The following CASD1 variants were observed in gnomAD, a reference collection of about 807,000 sequenced individuals.
CASD1 encodes CAS1 domain sialic acid O acetyltransferase 1.
A neutral mutation model predicts 100.0 loss-of-function variants in CASD1; 41 were observed. The observed-to-expected ratio is 0.41, with a 90% CI of 0.32 to 0.53. The LOEUF (loss-of-function observed/expected upper bound fraction) is 0.53, where lower values mean the gene tolerates loss of function less well. CASD1 is among the 20% of genes least tolerant of loss of function. The pLI, the probability that CASD1 is intolerant of heterozygous loss-of-function variation, is 0.25. For synonymous variants in CASD1, 321 were observed against 315.6 expected, an observed-to-expected ratio of 1.02 and a Z score of -0.18; for missense variants, 774 against 948.7, an observed-to-expected ratio of 0.82 and a Z score of 2.42.
intron 14 of CASD1, 103 bp downstream of exon 14, chr7:94,549,737 T>A (rs781090316): frequency 3.5e-6 from 3 of 851,952 alleles, no homozygotes; most frequent in Non-Finnish European, 5.4e-6. Flanking sequence ...TAAATAAAGA[T>A]GTTGATTTAG....
At chr7:94,541,536 G>GTT (rs1246255154) in intron 10 of CASD1, among the ~76,000 whole-genome samples, 1 of 92,434 alleles carries the variant, frequency 1.1e-5, no homozygotes, top group Non-Finnish European at 2.2e-5. Context: ...GTGTTCCACT[G>GTT]GTTTTTTTTT....
chr7:94,623,203 T>C, the CASD1 span: 3 of 600,730 alleles, frequency 5.0e-6, no homozygotes, highest in Non-Finnish European at 8.8e-6. Flanking sequence ...TATATCTTAT[T>C]ATTTCATCAG....
At chr7:94,526,867 A>G (rs557249753) in intron 3 of CASD1, among the ~76,000 whole-genome samples, 1 of 152,352 alleles carries the variant, frequency 6.6e-6, no homozygotes, top group South Asian at 2.1e-4. Flanking sequence ...AATCTTGGCA[A>G]AAAGGTAATT....
downstream of CASD1, among the ~76,000 whole-genome samples, chr7:94,561,617 A>G (rs1316487526): frequency 6.6e-6 from 1 of 151,978 alleles, no homozygotes; most frequent in Non-Finnish European, 1.5e-5. Flanking sequence ...TTTTTTCCTA[A>G]AGAGAACCTC....
At position 94,510,184 on chromosome 7, in the gene CASD1, G is replaced by A. The variant is rs1260217646; in HGVS notation, c.100G>A (p.Ala34Thr). Residue 34 changes from alanine to threonine, a missense_variant, in exon 1 of 18, where the codon GCA (alanine) becomes ACA (threonine). By Grantham distance (58) the Ala-to-Thr change is moderately conservative. Transcript: ENST00000297273. ...GGCGCTGGTGGCCGTGCTGCTGCTCGCAGCGTGCCACCTCGCCTCCCGCCG... is the reference window on the plus strand; with the variant it reads ...GGCGCTGGTGGCCGTGCTGCTGCTCACAGCGTGCCACCTCGCCTCCCGCCG... Reference protein sequence around the residue: ...VLALVAVLLLAACHLASRRYR... With the variant: ...VLALVAVLLLTACHLASRRYR... 1.3e-6 allele frequency: 2 copies of A among 1,514,066 alleles called. No homozygotes were observed. The highest frequency in any genetic ancestry group is 4.2e-5 in the Admixed American group (2 of 47,628). The allele number at this position is 1,514,066 out of a possible 1,614,324, so 93.8% of individuals were successfully genotyped here. A position where few individuals can be genotyped will look rare whatever the true frequency, so the allele number is the denominator to read the frequency against.
At chr7:94,533,345 C>A in intron 6 of CASD1, 96 bp downstream of exon 6, 1 of 968,206 alleles carries the variant, frequency 1.0e-6, no homozygotes, top group Non-Finnish European at 1.5e-6. Flanking sequence ...CTTGATTGTA[C>A]CTAAATTTTT....
the CASD1 span, chr7:94,620,427 T>C: frequency 1.3e-5 from 2 of 152,220 alleles, no homozygotes; most frequent in Non-Finnish European, 2.9e-5. Context: ...AAAATATATT[T>C]ATTCTCATAT....
intron 3 of CASD1, among the ~76,000 whole-genome samples, chr7:94,521,984 T>C (rs896654548): frequency 2.6e-5 from 4 of 152,120 alleles, no homozygotes; most frequent in African/African-American, 9.7e-5. Flanking sequence ...ATCGGGAGGC[T>C]GAGGCAGGAG....
the CASD1 span, chr7:94,589,824 G>C: frequency 5.7e-6 from 1 of 176,682 alleles, no homozygotes; most frequent in East Asian, 1.7e-4. Context: ...ATTATGGTGA[G>C]TTATATAATA....
intron 3 of CASD1, among the ~76,000 whole-genome samples, chr7:94,524,552 A>T (rs1794457087): frequency 6.6e-6 from 1 of 152,090 alleles, no homozygotes; most frequent in Admixed American, 6.5e-5. Flanking sequence ...TGAGAGTGTA[A>T]ATTGTTACAA....
chr7:94,561,379 A>G (rs561868022), downstream of CASD1, among the ~76,000 whole-genome samples: 7 of 152,324 alleles, frequency 4.6e-5, no homozygotes, highest in African/African-American at 1.7e-4. Flanking sequence ...TGTTCATTAC[A>G]TAAATAATTT....
At chr7:94,587,003 A>G in the CASD1 span, 1 of 984,100 alleles carries the variant, frequency 1.0e-6, no homozygotes, top group East Asian at 1.1e-4. Context: ...AAATGTAAGA[A>G]AACAAGAAGG....
At chr7:94,599,741 T>C in the CASD1 span, 4 of 1,528,900 alleles carry the variant, frequency 2.6e-6, no homozygotes, top group Non-Finnish European at 3.6e-6. Context: ...CAAAACAAAA[T>C]TTATGAATTA....
chr7:94,549,669 A>G, intron 14 of CASD1, 35 bp downstream of exon 14: 1 of 1,472,820 alleles, frequency 6.8e-7, no homozygotes, highest in Non-Finnish European at 9.4e-7. Flanking sequence ...TGTCATTTCA[A>G]ATTATACTGT....
the CASD1 span, among the ~76,000 whole-genome samples, chr7:94,570,784 A>G: frequency 6.6e-6 from 1 of 152,140 alleles, no homozygotes; most frequent in African/African-American, 2.4e-5. Context: ...AATGAGTCAC[A>G]TGTCCAGCCC....
At chr7:94,510,338 G>C (rs1000370231) in intron 1 of CASD1, 121 bp downstream of exon 1, 1 of 752,792 alleles carries the variant, frequency 1.3e-6, no homozygotes, top group Non-Finnish European at 1.9e-6. Context: ...GGCCCGCGGG[G>C]GAGGCGGTTC....
chr7:94,559,464 A>G (rs1035316641), downstream of CASD1, among the ~76,000 whole-genome samples: 7 of 152,092 alleles, frequency 4.6e-5, no homozygotes, highest in Non-Finnish European at 7.4e-5. Flanking sequence ...TTCAGCAGTA[A>G]AATTGTCCTG....
chr7:94,517,538 C>CTG (rs1327697609), intron 1 of CASD1, 22 bp from the exon 2 acceptor site: 1 of 1,471,646 alleles, frequency 6.8e-7, no homozygotes, highest in Non-Finnish European at 9.4e-7. Context: ...GTTTACAACA[C>CTG]TGTTGTGTTT....
At chr7:94,622,586 G>T in the CASD1 span, 1 of 150,556 alleles carries the variant, frequency 6.6e-6, no homozygotes, top group Non-Finnish European at 1.5e-5. Flanking sequence ...CCGAGATGGT[G>T]CCATTGCACT....
Sources: gnomAD v4.1 joint callset for allele counts (sites outside exome capture counted in the v4.1 genomes callset) on GRCh38, gnomAD v4.1.1 for gene constraint, MANE v1.5 for transcripts, NCBI Gene and HGNC (gene_info 2026-07-23, HGNC 2026-07-21) for gene names.